Variants in ITSN2 observed in about 807,000 individuals in gnomAD.
ITSN2 encodes intersectin-2.
ITSN2 carries 156 observed loss-of-function variants against 243.7 expected under a neutral mutation model. That is an observed-to-expected ratio of 0.64 (90% CI 0.56 to 0.73). ITSN2 has a LOEUF of 0.73. Among genes scored for constraint, ITSN2 ranks in the 30% least tolerant of loss-of-function variants. The pLI, the probability that ITSN2 is intolerant of heterozygous loss-of-function variation, is 0.00. For synonymous variants in ITSN2, 703 were observed against 699.9 expected (o/e 1.00, Z -0.07); for missense variants, 1,801 against 1,996.1 (o/e 0.90, Z 1.86).
At chr2:24,291,787 C>T (rs1374543057) in intron 15 of ITSN2, among the ~76,000 whole-genome samples, 1 of 152,120 alleles carries the variant, frequency 6.6e-6, no homozygotes, top group African/African-American at 2.4e-5. Context: ...TGCACCCGGC[C>T]CATATTTCTG....
chr2:24,284,441 C>G (rs1679208670), intron 17 of ITSN2, among the ~76,000 whole-genome samples: 1 of 152,098 alleles, frequency 6.6e-6, no homozygotes, highest in Non-Finnish European at 1.5e-5. Context: ...CTCACATTTT[C>G]CTTTGAATTG....
At chr2:24,327,939 C>A (rs1685334626) in intron 2 of ITSN2, 113 bp downstream of exon 2, 1 of 907,096 alleles carries the variant, frequency 1.1e-6, no homozygotes, top group Non-Finnish European at 1.7e-6. Flanking sequence ...AAGAATACTT[C>A]AAGTTTTGTA....
intron 22 of ITSN2, among the ~76,000 whole-genome samples, chr2:24,260,161 T>C (rs1675623508): frequency 6.6e-6 from 1 of 152,162 alleles, no homozygotes; most frequent in South Asian, 2.1e-4. Flanking sequence ...CCTCAAGCAA[T>C]CCTCCCATCT....
intron 1 of ITSN2, among the ~76,000 whole-genome samples, chr2:24,355,529 T>C (rs896508863): frequency 2.0e-5 from 3 of 152,140 alleles, no homozygotes; most frequent in African/African-American, 7.2e-5. Flanking sequence ...TGGCTAGCCA[T>C]ATGCAGAAAA....
intron 1 of ITSN2, among the ~76,000 whole-genome samples, chr2:24,352,617 A>C (rs1041198877): frequency 1.3e-5 from 2 of 152,200 alleles, no homozygotes; most frequent in African/African-American, 4.8e-5. Flanking sequence ...TTAAACACAA[A>C]TTATAAGCTC....
At position 24,308,867 on chromosome 2, in the gene ITSN2, G is replaced by A. The variant is rs533042410; in HGVS notation, c.654-111C>T. 270 of 723,472 alleles carry A rather than the reference G, an allele frequency of 3.7e-4. 2 individuals carry two copies. The highest frequency in any genetic ancestry group is 3.5e-3 in the African/African-American group (193 of 55,588). 44.8% of individuals were successfully genotyped at this position (723,472 alleles called of 1,614,324 possible). ...TATATACCAGGGGTCCTGAACCCCC[G>A]GGCCACCGACCTGTTAGGAACCGGG... On this transcript the variant is annotated intron_variant, in intron 7 of 39. Coordinates refer to ENST00000355123, the MANE Select transcript of ITSN2 (RefSeq NM_006277.3).
At chr2:24,264,994 C>T (rs2151421787) in intron 20 of ITSN2, among the ~76,000 whole-genome samples, 1 of 151,980 alleles carries the variant, frequency 6.6e-6, no homozygotes. Flanking sequence ...TCTTGCTTTG[C>T]TGCCCGGGTT....
chr2:24,227,592 T>C (rs1671169615), intron 29 of ITSN2, among the ~76,000 whole-genome samples: 1 of 152,030 alleles, frequency 6.6e-6, no homozygotes, highest in South Asian at 2.1e-4. Context: ...TAAAAACAGA[T>C]GTGAAGAATT....
At chr2:24,237,537 G>C (rs895684604) in intron 29 of ITSN2, among the ~76,000 whole-genome samples, 1 of 151,956 alleles carries the variant, frequency 6.6e-6, no homozygotes, top group Non-Finnish European at 1.5e-5. Flanking sequence ...TATCTTATCT[G>C]ACCACCTGCT....
intron 29 of ITSN2, among the ~76,000 whole-genome samples, chr2:24,243,577 C>CCA (rs757756882): frequency 7.1e-4 from 108 of 152,134 alleles, no homozygotes; most frequent in Non-Finnish European, 1.3e-3. Context: ...CTGCAGCCTC[C>CCA]CACCTCAGCC....
rs575800013 is a variant in ITSN2, at chr2:24,225,409, G to A, written c.3578-4343C>T. On this transcript the variant is annotated intron_variant, in intron 29 of 39. Transcript: ENST00000355123. This position sits in a 1 kb window ranked among gnomAD's most constrained non-coding sequence, Gnocchi z 4.2. ...GATTCTGGTTTCTGCCCCACTGCCC[G>A]ACACTGCTCTCGGGAAGGTATCGAT... Among the ~76,000 whole-genome samples the A allele has an allele frequency of 3.9e-5, 6 of 152,274 alleles. No individual in the cohort carries two copies. The East Asian group carries it at 5.8e-4, about 15-fold the overall frequency.
chr2:24,307,184 A>ATC (rs1401866161), intron 8 of ITSN2, among the ~76,000 whole-genome samples: 1 of 152,184 alleles, frequency 6.6e-6, no homozygotes, highest in African/African-American at 2.4e-5. Context: ...CTTTATATTA[A>ATC]TCTCCAGTAT....
At position 24,225,381 on chromosome 2, in the gene ITSN2, C is replaced by T. The variant is rs1670926184; in HGVS notation, c.3578-4315G>A. 6.6e-6 allele frequency among the ~76,000 whole-genome samples: 1 copy of T among 152,174 alleles called. No homozygotes were observed. Among genetic ancestry groups the T allele is most frequent in the Admixed American group, 6.5e-5 (1 of 15,274 alleles). On this transcript the variant is annotated intron_variant, in intron 29 of 39. Transcript: ENST00000355123. The surrounding 1 kb of genome is among the most constrained non-coding windows in gnomAD (Gnocchi z 4.2). Reference sequence around the variant, plus strand: ...TAGCTTTCCCTGTCACATCTCCACTCGGGATTCTGGTTTCTGCCCCACTGC... The same window carrying T: ...TAGCTTTCCCTGTCACATCTCCACTTGGGATTCTGGTTTCTGCCCCACTGC...
In ITSN2 at chr2:24,220,950, C is replaced by T. The variant is rs150580767; in HGVS notation, c.3694G>A (p.Val1232Ile). The T allele has an allele frequency of 1.5e-5, 24 of 1,596,932 alleles. No individual in the cohort carries two copies. The East Asian group carries it at 2.8e-4, about 18-fold the overall frequency. Residue 1232 changes from valine to isoleucine, a missense_variant, in exon 30 of 40, where the codon GTC (valine) becomes ATC (isoleucine). By Grantham distance (29) the Val-to-Ile change is conservative. Coordinates refer to ENST00000355123, the MANE Select transcript of ITSN2 (RefSeq NM_006277.3). The stretch of plus-strand genomic sequence containing the variant: ...GCCAGCAGCAGCCTCCTCACCTCGA[C>T]GACGAGCTGAAGGTCAGCCATGTAC... ...ERYMADLQLV[V>I]EVFQKRMAES... is the part of the protein sequence containing the mutation.
At chr2:24,347,774 A>C (rs969703241) in intron 1 of ITSN2, among the ~76,000 whole-genome samples, 1 of 151,880 alleles carries the variant, frequency 6.6e-6, no homozygotes, top group Non-Finnish European at 1.5e-5. Flanking sequence ...AATGTTAAAC[A>C]ATTAAAAACA....
intron 1 of ITSN2, among the ~76,000 whole-genome samples, chr2:24,349,980 G>A (rs1574403820): frequency 1.3e-5 from 2 of 152,184 alleles, no homozygotes; most frequent in Admixed American, 1.3e-4. Flanking sequence ...TTCTAGTGCT[G>A]CCAAAGCATG....
rs775575883 is a variant in ITSN2 at position 24,308,693 on chromosome 2, T to G, written c.717A>C (p.Ala239=). 9.4e-5 allele frequency: 144 copies of G among 1,532,128 alleles called. No individual in the cohort carries two copies. Among genetic ancestry groups the G allele is most frequent in the Non-Finnish European group, 1.2e-4 (135 of 1,132,046 alleles). The allele number at this position is 1,532,128 out of a possible 1,614,324, so 94.9% of individuals were successfully genotyped here. The change falls in exon 8 of 40, where the codon GCA becomes GCC. Residue 239 remains alanine (A), a synonymous_variant. Coordinates refer to ENST00000355123, the MANE Select transcript of ITSN2 (RefSeq NM_006277.3). ...ATTTTAATCTTGTAGGCTGAGGAACTGCCCACTCTGAGGTCCCAGTCTTGG... is the reference window on the plus strand; with the variant it reads ...ATTTTAATCTTGTAGGCTGAGGAACGGCCCACTCTGAGGTCCCAGTCTTGG... ...NSPKTGTSEW[A]VPQPTRLKYR... is the part of the protein sequence containing the mutation.
intron 29 of ITSN2, among the ~76,000 whole-genome samples, chr2:24,242,932 T>C (rs1672906195): frequency 6.6e-6 from 1 of 152,210 alleles, no homozygotes; most frequent in African/African-American, 2.4e-5. Flanking sequence ...AATAACTTTA[T>C]AACAAAGAGA....
rs1011724893 is a variant in ITSN2, at chr2:24,249,616, A to C, written c.3121-734T>G. Reference sequence around the variant, plus strand: ...ACTGTATAACAGACACTGCTCTAAGAGGTTCCATATATTCTGCTATTTAAT... The same window carrying C: ...ACTGTATAACAGACACTGCTCTAAGCGGTTCCATATATTCTGCTATTTAAT... On this transcript the variant is annotated intron_variant, in intron 25 of 39. Transcript: ENST00000355123. This position sits in a 1 kb window ranked among gnomAD's most constrained non-coding sequence, Gnocchi z 4.4. 6.6e-6 allele frequency among the ~76,000 whole-genome samples: 1 copy of C among 152,242 alleles called. No individual in the cohort carries two copies. Among genetic ancestry groups the C allele is most frequent in the African/African-American group, 2.4e-5 (1 of 41,468 alleles).
Sources: allele counts gnomAD v4.1 joint callset (sites outside exome capture counted in the v4.1 genomes callset), GRCh38; gene constraint gnomAD v4.1.1; non-coding constraint Gnocchi (gnomAD v3.1); transcripts MANE v1.5; gene names NCBI Gene and HGNC (gene_info 2026-07-23, HGNC 2026-07-21).